Variants in ATG7 observed in about 807,000 individuals in gnomAD.
ATG7 encodes the protein ubiquitin-like modifier-activating enzyme ATG7.
In ATG7, 70 loss-of-function variants were observed where a neutral mutation model predicts 82.4. The observed-to-expected ratio is 0.85, with a 90% CI of 0.70 to 1.04. The LOEUF is 1.04. Ranked by LOEUF, ATG7 falls within the 50% of genes least tolerant of loss-of-function variation. ATG7 has a pLI of 0.00. For missense variants in ATG7, 792 were observed against 864.3 expected, an observed-to-expected ratio of 0.92 and a Z score of 1.05; for synonymous variants, 287 against 313.0, an observed-to-expected ratio of 0.92 and a Z score of 0.88.
chr3:11,497,357 C>CTATATATATATGTATATGTATA lies in ATG7; in HGVS notation c.2080-57443_2080-57442insGTATATGTATATATATATATAT, dbSNP rs1281826628. On this transcript the variant is annotated intron_variant, in intron 20 of 20. Coordinates refer to ENST00000693202, the MANE Select transcript of ATG7 (RefSeq NM_001349232.2). ...TGAAACCCCGTCTGTACTAAAAATA[C>CTATATATATATGTATATGTATA]TATATATATATATATATATATATAT... Among the ~76,000 whole-genome samples, 38 of 57,318 alleles carry CTATATATATATGTATATGTATA rather than the reference C, an allele frequency of 6.6e-4. 1 individual carries two copies. Among genetic ancestry groups the CTATATATATATGTATATGTATA allele is most frequent in the African/African-American group, 2.5e-3 (38 of 14,990 alleles). 37.6% of individuals were successfully genotyped at this position (57,318 alleles called of 152,430 possible).
chr3:11,376,094 G>T (rs1261324287), intron 18 of ATG7, among the ~76,000 whole-genome samples: 1 of 152,224 alleles, frequency 6.6e-6, no homozygotes, highest in Non-Finnish European at 1.5e-5. Flanking sequence ...GCTAAGTGAA[G>T]CCAGTCATGT....
intron 20 of ATG7, among the ~76,000 whole-genome samples, chr3:11,511,583 G>A (rs553191097): frequency 2.1e-3 from 320 of 152,326 alleles, no homozygotes; most frequent in Non-Finnish European, 3.6e-3. Flanking sequence ...TGCCAGTCCC[G>A]TACTGTGCGC....
intron 20 of ATG7, among the ~76,000 whole-genome samples, chr3:11,503,412 C>A (rs1437546571): frequency 6.6e-6 from 1 of 151,924 alleles, no homozygotes; most frequent in Non-Finnish European, 1.5e-5. Flanking sequence ...ATATCTTATC[C>A]CTCAGTGAAA....
chr3:11,275,473 C>T (rs1171641759), intron 1 of ATG7, among the ~76,000 whole-genome samples: 3 of 151,642 alleles, frequency 2.0e-5, no homozygotes, highest in Non-Finnish European at 4.4e-5. Context: ...CTCAGCCTCC[C>T]CAGGAACTGG....
chr3:11,534,786 G>A (rs1033493290), intron 20 of ATG7, among the ~76,000 whole-genome samples: 5 of 152,198 alleles, frequency 3.3e-5, no homozygotes, highest in African/African-American at 1.2e-4. Flanking sequence ...CTGCCTCGAG[G>A]CACCTGGCCA....
intron 20 of ATG7, among the ~76,000 whole-genome samples, chr3:11,501,002 T>G (rs1361497509): frequency 6.6e-6 from 1 of 152,192 alleles, no homozygotes; most frequent in African/African-American, 2.4e-5. Context: ...CCCTGGTAAT[T>G]TCAGCACTTT....
intron 14 of ATG7, among the ~76,000 whole-genome samples, chr3:11,357,968 T>TGGGTGACAA (rs1162066012): frequency 6.8e-6 from 1 of 148,052 alleles, no homozygotes; most frequent in East Asian, 2.0e-4. Flanking sequence ...ATGATTGTGC[T>TGGGTGACAA]AGTGCCCTCT....
In ATG7 at chr3:11,303,767, C is replaced by G. The variant is rs567438217; in HGVS notation, c.216-3176C>G. Among the ~76,000 whole-genome samples, 228 of 150,806 alleles carry G rather than the reference C, an allele frequency of 1.5e-3. 2 individuals carry two copies. The highest frequency in any genetic ancestry group is 2.9e-3 in the Non-Finnish European group (199 of 67,704). ...TTTCTTTCCCTTGAGGAATATTTGT[C>G]TTTATTCATAAGAAATTTTCTTTTC... On this transcript the variant is annotated intron_variant, in intron 5 of 20. Transcript: ENST00000693202.
At chr3:11,356,035 G>A (rs1359261932) in intron 14 of ATG7, among the ~76,000 whole-genome samples, 1 of 152,156 alleles carries the variant, frequency 6.6e-6, no homozygotes, top group Non-Finnish European at 1.5e-5. Flanking sequence ...AGTATGCTAA[G>A]CAAAAGAAGC....
At chr3:11,369,503 C>T (rs2076854139) in intron 18 of ATG7, among the ~76,000 whole-genome samples, 1 of 151,208 alleles carries the variant, frequency 6.6e-6, no homozygotes, top group Non-Finnish European at 1.5e-5. Context: ...GTAACTGGCA[C>T]AAGATCACCC....
In ATG7 at chr3:11,368,229, TAAAAAA is replaced by T. The variant is rs760208581; in HGVS notation, c.1875+3513_1875+3518del. Reference sequence around the variant, plus strand: ...TTCCCATCAACAGTGTTCTTTTACTTAAAAAAAAAAAAAAAAAAAAAAAGAAGAAGA... The same window carrying T: ...TTCCCATCAACAGTGTTCTTTTACTTAAAAAAAAAAAAAAAAAGAAGAAGA... On this transcript the variant is annotated intron_variant, in intron 18 of 20. Coordinates refer to ENST00000693202, the MANE Select transcript of ATG7 (RefSeq NM_001349232.2). Among the ~76,000 whole-genome samples, 21 of 109,352 alleles carry T rather than the reference TAAAAAA, an allele frequency of 1.9e-4. 1 individual carries two copies. The South Asian group carries it at 5.3e-3, about 27-fold the overall frequency. The allele number at this position is 109,352 out of a possible 152,430, so 71.7% of individuals were successfully genotyped here.
At chr3:11,350,687 C>T (rs977844745) in intron 14 of ATG7, among the ~76,000 whole-genome samples, 1 of 152,080 alleles carries the variant, frequency 6.6e-6, no homozygotes, top group African/African-American at 2.4e-5. Context: ...AAGTCAATGA[C>T]ATTAGTCAAT....
chr3:11,499,985 G>A (rs1169739572), intron 20 of ATG7, among the ~76,000 whole-genome samples: 3 of 152,026 alleles, frequency 2.0e-5, no homozygotes, highest in South Asian at 2.1e-4. Flanking sequence ...GGCCACAAAC[G>A]CCACAAGTTC....
intron 20 of ATG7, among the ~76,000 whole-genome samples, chr3:11,478,483 A>G (rs2088523744): frequency 6.6e-6 from 1 of 152,100 alleles, no homozygotes; most frequent in Admixed American, 6.5e-5. Context: ...TCATGGCTAC[A>G]TTATCATGAG....
downstream of ATG7, among the ~76,000 whole-genome samples, chr3:11,562,554 G>A (rs559734949): frequency 1.3e-5 from 2 of 152,342 alleles, no homozygotes; most frequent in South Asian, 2.1e-4. Context: ...TCCAGGAAGA[G>A]ACCTCGGAGC....
chr3:11,331,284 G>A lies in ATG7; in HGVS notation c.679-56G>A, dbSNP rs1951605975. The A allele has an allele frequency of 5.2e-6, 7 of 1,344,964 alleles. No individual in the cohort carries two copies. The East Asian group carries it at 1.6e-4, about 31-fold the overall frequency. The allele number at this position is 1,344,964 out of a possible 1,614,324, so 83.3% of individuals were successfully genotyped here. On this transcript the variant is annotated intron_variant, in intron 9 of 20. Coordinates refer to ENST00000693202, the MANE Select transcript of ATG7 (RefSeq NM_001349232.2). ...CAAAGAGGAAGTATGAGCAATGTCTGTATTGTGAAGCTGACATGATACTCG... is the reference window on the plus strand; with the variant it reads ...CAAAGAGGAAGTATGAGCAATGTCTATATTGTGAAGCTGACATGATACTCG...
chr3:11,359,694 T>TCAAAAAAACCCCAAAGAAA (rs1325580301), intron 15 of ATG7, among the ~76,000 whole-genome samples: 5 of 147,104 alleles, frequency 3.4e-5, no homozygotes, highest in Non-Finnish European at 6.0e-5. Context: ...AGATCCTGTC[T>TCAAAAAAACCCCAAAGAAA]CAAAAAAACC....
At chr3:11,476,929 C>G (rs537861857) in intron 20 of ATG7, among the ~76,000 whole-genome samples, 5 of 152,220 alleles carry the variant, frequency 3.3e-5, no homozygotes, top group African/African-American at 1.2e-4. Flanking sequence ...TTATGGCCCT[C>G]TTTCCCTTTA....
At chr3:11,398,878 G>A (rs528860552) in intron 19 of ATG7, among the ~76,000 whole-genome samples, 8 of 152,188 alleles carry the variant, frequency 5.3e-5, no homozygotes, top group Admixed American at 2.0e-4. Flanking sequence ...AAACAGGCCC[G>A]AAATTAATGA....
Sources: gnomAD v4.1 joint callset for allele counts (sites outside exome capture counted in the v4.1 genomes callset) on GRCh38, gnomAD v4.1.1 for gene constraint, MANE v1.5 for transcripts, NCBI Gene and HGNC (gene_info 2026-07-23, HGNC 2026-07-21) for gene names.